GPD1L: variants seen among roughly 807,000 people sequenced by gnomAD.
The protein encoded by GPD1L is glycerol-3-phosphate dehydrogenase 1-like protein.
GPD1L carries 17 observed loss-of-function variants against 32.9 expected under a neutral mutation model. The observed-to-expected ratio is 0.52, with a 90% CI of 0.35 to 0.78. GPD1L has a LOEUF of 0.78. GPD1L is among the 30% of genes least tolerant of loss of function. GPD1L has a pLI of 0.01. For missense variants in GPD1L, 361 were observed against 447.8 expected (o/e 0.81, Z 1.75); for synonymous variants, 187 against 165.9 (o/e 1.13, Z -0.98).
chr3:32,166,210 C>A lies in GPD1L; in HGVS notation c.*300C>A, dbSNP rs80336593. On this transcript the variant is annotated 3_prime_UTR_variant, in exon 8 of 8. Coordinates refer to ENST00000282541, the MANE Select transcript of GPD1L (RefSeq NM_015141.4). The stretch of plus-strand genomic sequence containing the variant: ...ATTGCTTATGAAATTTCCACACAAT[C>A]GTAGCTTATAAGATTGGAACGATCT... 3,075 of 420,034 alleles carry A rather than the reference C, an allele frequency of 7.3e-3. 85 individuals are homozygous for A. Among genetic ancestry groups the A allele is most frequent in the African/African-American group, 0.055 (2,743 of 49,598 alleles). 26.0% of individuals were successfully genotyped at this position (420,034 alleles called of 1,614,324 possible). A position where few individuals can be genotyped will look rare whatever the true frequency, so the allele number is the denominator to read the frequency against.
intron 2 of GPD1L, among the ~76,000 whole-genome samples, chr3:32,131,528 C>T (rs1321263732): frequency 2.0e-5 from 3 of 152,224 alleles, no homozygotes; most frequent in Non-Finnish European, 4.4e-5. Flanking sequence ...TGACTGGCTT[C>T]TTTCACTTTG....
chr3:32,123,590 A>G (rs1045162063), intron 1 of GPD1L, among the ~76,000 whole-genome samples: 2 of 152,016 alleles, frequency 1.3e-5, no homozygotes, highest in Non-Finnish European at 1.5e-5. Flanking sequence ...CCCCCCCATC[A>G]TTTTGTAGAT....
At chr3:32,153,233 G>C (rs886867124) in intron 5 of GPD1L, among the ~76,000 whole-genome samples, 1 of 152,120 alleles carries the variant, frequency 6.6e-6, no homozygotes, top group Non-Finnish European at 1.5e-5. Flanking sequence ...GCCACTGCTC[G>C]CCCAAAAGCA....
At chr3:32,121,723 CTA>C (rs1228642198) in intron 1 of GPD1L, among the ~76,000 whole-genome samples, 2 of 117,298 alleles carry the variant, frequency 1.7e-5, no homozygotes, top group Non-Finnish European at 3.2e-5. Flanking sequence ...ACATATATTT[CTA>C]TATATATATT....
intron 5 of GPD1L, among the ~76,000 whole-genome samples, chr3:32,154,290 A>G (rs1700958855): frequency 6.6e-6 from 1 of 152,160 alleles, no homozygotes; most frequent in Non-Finnish European, 1.5e-5. Context: ...GGGGTGGTCT[A>G]GACTCCCATG....
In GPD1L at chr3:32,140,267, G is replaced by A. The variant is rs374463553; in HGVS notation, c.406G>A (p.Asp136Asn). The change falls in exon 4 of 8, where the codon GAC (aspartate) becomes AAC (asparagine). Residue 136 changes from aspartate (D) to asparagine (N), a missense_variant. Transcript: ENST00000282541. ...EGPEGLKLISDIIREKMGIDI... is the reference protein window; with the variant it reads ...EGPEGLKLISNIIREKMGIDI... ...CCCCGAGGGGCTGAAGCTCATTTCT[G>A]ACATCATCCGTGAGAAGATGGGTAT... The A allele has an allele frequency of 1.2e-6, 2 of 1,614,046 alleles. No individual in the cohort carries two copies. Among genetic ancestry groups the A allele is most frequent in the Admixed American group, 1.7e-5 (1 of 60,018 alleles).
chr3:32,161,078 T>A (rs1701068668), intron 7 of GPD1L, among the ~76,000 whole-genome samples: 1 of 152,140 alleles, frequency 6.6e-6, no homozygotes, highest in African/African-American at 2.4e-5. Context: ...TTGTTGCTAT[T>A]ATCTCTGGTT....
At position 32,159,034 on chromosome 3, in the gene GPD1L, G is replaced by A; in HGVS notation, c.777G>A (p.Gly259=). Residue 259 remains glycine (G), a synonymous_variant, in exon 6 of 8, where the codon GGG becomes GGA. Coordinates refer to ENST00000282541, the MANE Select transcript of GPD1L (RefSeq NM_015141.4). The part of the protein sequence containing the change: ...VSTATFLESC[G]VADLITTCYG... ...CAGCCACCTTCCTAGAGAGCTGCGG[G>A]GTGGCCGACCTGATCACCACCTGTT... The A allele has an allele frequency of 1.2e-6, 2 of 1,613,966 alleles. No homozygotes were observed. The highest frequency in any genetic ancestry group is 1.7e-6 in the Non-Finnish European group (2 of 1,180,024).
intron 1 of GPD1L, among the ~76,000 whole-genome samples, chr3:32,112,440 G>A (rs1435005842): frequency 6.6e-6 from 1 of 152,080 alleles, no homozygotes; most frequent in Non-Finnish European, 1.5e-5. Flanking sequence ...TTCAAGACCA[G>A]CCTAGACAAC....
chr3:32,120,832 T>C (rs1700401839), intron 1 of GPD1L, among the ~76,000 whole-genome samples: 1 of 152,192 alleles, frequency 6.6e-6, no homozygotes, highest in East Asian at 1.9e-4. Context: ...GTCCATTCCT[T>C]GGCTGAAGTA....
chr3:32,113,931 G>T (rs1479292095), intron 1 of GPD1L, among the ~76,000 whole-genome samples: 1 of 152,088 alleles, frequency 6.6e-6, no homozygotes, highest in African/African-American at 2.4e-5. Flanking sequence ...ACAATGCATT[G>T]CAGCCTCAAC....
chr3:32,152,041 G>C (rs1219318928), intron 5 of GPD1L: 1 of 152,300 alleles, frequency 6.6e-6, no homozygotes, highest in Non-Finnish European at 1.5e-5. Context: ...GTGACCAGAA[G>C]TGTTTTGGAT....
chr3:32,118,601 A>G (rs1236390201), intron 1 of GPD1L, among the ~76,000 whole-genome samples: 1 of 152,186 alleles, frequency 6.6e-6, no homozygotes, highest in Non-Finnish European at 1.5e-5. Flanking sequence ...CAAAATACAC[A>G]TAACATAAAA....
intron 2 of GPD1L, among the ~76,000 whole-genome samples, chr3:32,135,884 C>G (rs1700654706): frequency 6.6e-6 from 1 of 152,184 alleles, no homozygotes; most frequent in Admixed American, 6.5e-5. Flanking sequence ...GACTACCTAG[C>G]CTAGATTACC....
intron 1 of GPD1L, among the ~76,000 whole-genome samples, chr3:32,125,204 C>G (rs920765359): frequency 6.6e-6 from 1 of 152,214 alleles, no homozygotes; most frequent in African/African-American, 2.4e-5. Flanking sequence ...GGTGGCAAAT[C>G]CAACAGCTTG....
Position 32,115,758 on chromosome 3 carries a change from C to CTTTTT in GPD1L, c.47+9044_47+9048dup, listed in dbSNP as rs539068850. Among the ~76,000 whole-genome samples, 5 of 45,086 alleles carry CTTTTT rather than the reference C, an allele frequency of 1.1e-4. 2 individuals are homozygous for CTTTTT. The highest frequency in any genetic ancestry group is 2.4e-4 in the Non-Finnish European group (5 of 20,538). The allele number at this position is 45,086 out of a possible 152,430, so 29.6% of individuals were successfully genotyped here. A position where few individuals can be genotyped will look rare whatever the true frequency, so the allele number is the denominator to read the frequency against. On this transcript the variant is annotated intron_variant, in intron 1 of 7. Transcript: ENST00000282541. ...CTAAACCCTTTTCGTGTACGTTGAA[C>CTTTTT]TTTTTTTTTTTTTTTTTTTTTTTTT... is the stretch of plus-strand genomic sequence containing the variant.
rs1043970556 is a variant in GPD1L, at chr3:32,150,987, C to T, written c.618+4253C>T. 21 of 232,024 alleles carry T rather than the reference C, an allele frequency of 9.1e-5. No homozygotes were observed. The East Asian group carries it at 1.4e-3, about 16-fold the overall frequency. The allele number at this position is 232,024 out of a possible 1,614,324, so 14.4% of individuals were successfully genotyped here. A position where few individuals can be genotyped will look rare whatever the true frequency, so the allele number is the denominator to read the frequency against. On this transcript the variant is annotated intron_variant, in intron 5 of 7. Coordinates refer to ENST00000282541, the MANE Select transcript of GPD1L (RefSeq NM_015141.4). The stretch of plus-strand genomic sequence containing the variant: ...GCTTGTGCCTGTAGTCCCAGCTACT[C>T]GAACTCCTGGCCTCAAGTGATCCGC...
chr3:32,122,593 C>T (rs1700438814), intron 1 of GPD1L, among the ~76,000 whole-genome samples: 2 of 152,238 alleles, frequency 1.3e-5, no homozygotes, highest in East Asian at 1.9e-4. Context: ...TATGTAAAGA[C>T]CCAGGACTGG....
At chr3:32,111,145 C>T (rs1272467497) in intron 1 of GPD1L, among the ~76,000 whole-genome samples, 1 of 152,226 alleles carries the variant, frequency 6.6e-6, no homozygotes, top group Non-Finnish European at 1.5e-5. Flanking sequence ...GGATTATAGG[C>T]ATCAGCCACA....
Sources: allele counts gnomAD v4.1 joint callset (sites outside exome capture counted in the v4.1 genomes callset), GRCh38; gene constraint gnomAD v4.1.1; transcripts MANE v1.5; gene names NCBI Gene and HGNC (gene_info 2026-07-23, HGNC 2026-07-21).